SPATA9: variants seen among roughly 807,000 people sequenced by gnomAD.
SPATA9 encodes the protein spermatogenesis associated 9.
Under a neutral mutation model 25.5 loss-of-function variants are expected in SPATA9, and 27 were observed. The ratio of observed to expected loss-of-function variants is 1.06; its 90% CI spans 0.78 to 1.46. The LOEUF (loss-of-function observed/expected upper bound fraction) is 1.46. SPATA9 is among the 40% of genes most tolerant of loss of function. The pLI, the probability that SPATA9 is intolerant of heterozygous loss-of-function variation, is 0.00. For synonymous variants in SPATA9, 102 were observed against 105.7 expected, an observed-to-expected ratio of 0.97 and a Z score of 0.21; for missense variants, 282 against 297.5, an observed-to-expected ratio of 0.95 and a Z score of 0.38.
chr5:95,680,822 C>T (rs150918662), intron 2 of SPATA9, among the ~76,000 whole-genome samples: 210 of 152,264 alleles, frequency 1.4e-3, no homozygotes, highest in African/African-American at 4.9e-3. Flanking sequence ...TGGCATGACC[C>T]CTTAAACTGT....
rs1752511838 is a variant in SPATA9, at chr5:95,672,642, A to T, written c.378+2770T>A. ...TAAATTAATGTCAGAAAAGATAGTC[A>T]CAGTTAACATCCTGACCTTACACAA... On this transcript the variant is annotated intron_variant, in intron 3 of 4. Transcript: ENST00000274432. 2.0e-5 allele frequency among the ~76,000 whole-genome samples: 3 copies of T among 152,204 alleles called. No homozygotes were observed. The South Asian group carries it at 6.2e-4, about 32-fold the overall frequency.
the SPATA9 span, among the ~76,000 whole-genome samples, chr5:95,707,620 G>A: frequency 6.6e-6 from 1 of 152,128 alleles, no homozygotes; most frequent in African/African-American, 2.4e-5. Flanking sequence ...CGGGGCTTTG[G>A]GCGTTATCAA....
chr5:95,686,491 A>G (rs1023400251), upstream of SPATA9, among the ~76,000 whole-genome samples: 1 of 152,226 alleles, frequency 6.6e-6, no homozygotes, highest in African/African-American at 2.4e-5. Flanking sequence ...ACTTACGTCT[A>G]ATTAATTAAA....
chr5:95,689,819 T>C (rs1181233355), intron 1 of SPATA9, among the ~76,000 whole-genome samples: 1 of 152,096 alleles, frequency 6.6e-6, no homozygotes, highest in East Asian at 1.9e-4. Context: ...ATAAAGAAAA[T>C]GTGGTATATA....
chr5:95,658,728 T>A lies in SPATA9; in HGVS notation c.660A>T (p.Pro220=). Residue 220 remains proline (P), a synonymous_variant, in exon 5 of 5, where the codon CCA becomes CCT. Transcript: ENST00000274432. Reference sequence around the variant, plus strand: ...GAAGCTTGGGGTAATCTGAAATGTCTGGCTTCTCCGGCAATGACCTATAAG... The same window carrying A: ...GAAGCTTGGGGTAATCTGAAATGTCAGGCTTCTCCGGCAATGACCTATAAG... ...AKPYRSLPEK[P]DISDYPKLLA... The A allele has an allele frequency of 6.2e-7, 1 of 1,613,900 alleles. No homozygotes were observed. Among genetic ancestry groups the A allele is most frequent in the Non-Finnish European group, 8.5e-7 (1 of 1,179,900 alleles).
the SPATA9 span, among the ~76,000 whole-genome samples, chr5:95,729,521 G>A: frequency 6.6e-6 from 1 of 152,194 alleles, no homozygotes; most frequent in East Asian, 1.9e-4. Flanking sequence ...ATGTTCTAGT[G>A]TTCAGTACAC....
At chr5:95,653,990 G>T, downstream of SPATA9, 1 of 1,280,200 alleles carries the variant, frequency 7.8e-7, no homozygotes, top group East Asian at 2.4e-5. Context: ...TCATTCTTAG[G>T]GTTATCTCCA....
chr5:95,671,357 A>G (rs1329786935), intron 3 of SPATA9, among the ~76,000 whole-genome samples: 2 of 152,198 alleles, frequency 1.3e-5, no homozygotes, highest in Non-Finnish European at 2.9e-5. Flanking sequence ...AGGGTGAGAC[A>G]TCTCTGAGTC....
intron 1 of SPATA9, among the ~76,000 whole-genome samples, chr5:95,690,334 G>T (rs976522586): frequency 6.6e-6 from 1 of 152,130 alleles, no homozygotes. Context: ...GTAGAAAAGA[G>T]CACCCTGGTA....
the SPATA9 span, among the ~76,000 whole-genome samples, chr5:95,711,578 A>G: frequency 2.0e-5 from 3 of 152,162 alleles, no homozygotes; most frequent in South Asian, 2.1e-4. Flanking sequence ...GTCGAGAGGC[A>G]ATGGGTGGCG....
intron 3 of SPATA9, among the ~76,000 whole-genome samples, chr5:95,668,645 G>A (rs917648681): frequency 6.6e-6 from 1 of 152,158 alleles, no homozygotes; most frequent in Admixed American, 6.5e-5. Flanking sequence ...TGGTATCAAT[G>A]TTATGTTCAT....
At chr5:95,718,150 A>G in the SPATA9 span, among the ~76,000 whole-genome samples, 1 of 152,200 alleles carries the variant, frequency 6.6e-6, no homozygotes, top group Non-Finnish European at 1.5e-5. Context: ...ACTAAAAGAT[A>G]CTTTCCCTCT....
intron 3 of SPATA9, among the ~76,000 whole-genome samples, chr5:95,664,791 A>G (rs577765486): frequency 3.5e-4 from 53 of 152,330 alleles, no homozygotes; most frequent in African/African-American, 1.2e-3. Flanking sequence ...CTCTGAAGTA[A>G]GAGCCAAGCA....
chr5:95,731,742 G>C, the SPATA9 span: 1 of 1,611,432 alleles, frequency 6.2e-7, no homozygotes, highest in Non-Finnish European at 8.5e-7. Context: ...GTGCGCCCCA[G>C]GGACAGGGGC....
At chr5:95,701,815 A>C (rs186862146), upstream of SPATA9, among the ~76,000 whole-genome samples, 4 of 152,322 alleles carry the variant, frequency 2.6e-5, no homozygotes, top group East Asian at 7.7e-4. Context: ...TTTGTACAAC[A>C]GTTACATTTG....
the SPATA9 span, chr5:95,731,725 G>T: frequency 6.2e-7 from 1 of 1,612,626 alleles, no homozygotes; most frequent in South Asian, 1.1e-5. Context: ...TCTCTCCAGC[G>T]CGTGCCGTGC....
chr5:95,680,325 T>A (rs1753334596), intron 2 of SPATA9, among the ~76,000 whole-genome samples: 1 of 152,244 alleles, frequency 6.6e-6, no homozygotes, highest in South Asian at 2.1e-4. Context: ...GCAACCATTA[T>A]TGGTGAATGA....
the SPATA9 span, among the ~76,000 whole-genome samples, chr5:95,712,505 A>G: frequency 2.0e-5 from 3 of 152,126 alleles, no homozygotes; most frequent in East Asian, 1.9e-4. Flanking sequence ...ATGTCCAACT[A>G]CCCTGAGGCC....
chr5:95,717,701 G>A, the SPATA9 span: 1 of 152,340 alleles, frequency 6.6e-6, no homozygotes, highest in East Asian at 1.9e-4. Context: ...CTTCCCAGTG[G>A]ATGGAGCAGG....
Sources: allele counts gnomAD v4.1 joint callset (sites outside exome capture counted in the v4.1 genomes callset), GRCh38; gene constraint gnomAD v4.1.1; transcripts MANE v1.5; gene names NCBI Gene and HGNC (gene_info 2026-07-23, HGNC 2026-07-21).